GREB1: variants seen among roughly 807,000 people sequenced by gnomAD.
The protein encoded by GREB1 is growth regulating estrogen receptor binding 1, also known as protein GREB1.
GREB1 carries 106 observed loss-of-function variants against 200.7 expected under a neutral mutation model. That is an observed-to-expected ratio of 0.53 (90% CI 0.45 to 0.62). The LOEUF is 0.62. Ranked by LOEUF, GREB1 falls within the 20% of genes least tolerant of loss-of-function variation. GREB1 has a pLI of 0.00. For missense variants in GREB1, 2,243 were observed against 2,556.8 expected (o/e 0.88, Z 2.65); for synonymous variants, 1,132 against 1,092.4 (o/e 1.04, Z -0.72).
At chr2:11,624,444 A>G (rs1335689885) in intron 23 of GREB1, among the ~76,000 whole-genome samples, 1 of 149,720 alleles carries the variant, frequency 6.7e-6, no homozygotes, top group African/African-American at 2.5e-5. Flanking sequence ...TCCTGGGTTC[A>G]AGTCATTCTC....
Position 11,595,417 on chromosome 2 carries a change from A to G in GREB1, c.1825+38A>G, listed in dbSNP as rs200042593. 2.6e-5 allele frequency: 42 copies of G among 1,598,822 alleles called. No homozygotes were observed. The East Asian group carries it at 9.0e-4, about 34-fold the overall frequency. On this transcript the variant is annotated intron_variant, in intron 12 of 32. Transcript: ENST00000381486. ...TGAGACAGGTGCACATGCGTATGTT[A>G]ATAGGACAGTAATCAGTGCCGGGGG...
intron 1 of GREB1, among the ~76,000 whole-genome samples, chr2:11,543,559 A>T (rs927652114): frequency 1.6e-4 from 24 of 152,328 alleles, no homozygotes; most frequent in Non-Finnish European, 2.9e-4. Flanking sequence ...ACCATGAATC[A>T]AGCCCCTGGT....
At chr2:11,519,908 G>A (rs1349034069) in intron 1 of GREB1, among the ~76,000 whole-genome samples, 1 of 152,146 alleles carries the variant, frequency 6.6e-6, no homozygotes, top group African/African-American at 2.4e-5. Flanking sequence ...AGGCTGAACG[G>A]GGGTGGACTG....
intron 10 of GREB1, among the ~76,000 whole-genome samples, chr2:11,590,499 C>T (rs746522986): frequency 6.6e-6 from 1 of 152,206 alleles, no homozygotes; most frequent in African/African-American, 2.4e-5. Context: ...TTCCCTGTGG[C>T]ATGCTCTTGC....
At position 11,610,762 on chromosome 2, in the gene GREB1, TAAGC is replaced by T; in HGVS notation, c.2742_2745del (p.Ser915AlafsTer5). 6.2e-7 allele frequency: 1 copy of T among 1,613,470 alleles called. No individual in the cohort carries two copies. The stretch of plus-strand genomic sequence containing the variant: ...CACTACGCGGCCGCCCTGATGGCCG[TAAGC>T]GGCCTCCCGCAGATGAAGAACTACA... On this transcript the variant is annotated frameshift_variant, in exon 18 of 33. Coordinates refer to ENST00000381486, the MANE Select transcript of GREB1 (RefSeq NM_014668.4). LOFTEE classifies it high-confidence loss of function.
intron 1 of GREB1, among the ~76,000 whole-genome samples, chr2:11,484,127 G>A (rs918711131): frequency 1.3e-5 from 2 of 152,058 alleles, no homozygotes; most frequent in Non-Finnish European, 2.9e-5. Context: ...AGTTTTAAAG[G>A]CCAATTAGAA....
chr2:11,539,054 T>TTCTCC (rs1674535976), intron 1 of GREB1, among the ~76,000 whole-genome samples: 1 of 105,074 alleles, frequency 9.5e-6, no homozygotes, highest in Non-Finnish European at 2.0e-5. Flanking sequence ...TTCTCTTCTC[T>TTCTCC]TCTCTTCTCT....
intron 20 of GREB1, among the ~76,000 whole-genome samples, chr2:11,616,267 A>C (rs1450465289): frequency 6.6e-6 from 1 of 152,038 alleles, no homozygotes; most frequent in Non-Finnish European, 1.5e-5. Context: ...TCCTTTCTCT[A>C]CTTTACCTGC....
At chr2:11,541,939 A>G (rs1674795276) in intron 1 of GREB1, among the ~76,000 whole-genome samples, 1 of 152,126 alleles carries the variant, frequency 6.6e-6, no homozygotes, top group East Asian at 1.9e-4. Flanking sequence ...CCTGTACTCA[A>G]CTTTGATGAC....
At chr2:11,562,940 G>A (rs1558549547) in intron 3 of GREB1, 1 of 171,558 alleles carries the variant, frequency 5.8e-6, no homozygotes, top group Non-Finnish European at 1.2e-5. Context: ...ACAGCATATT[G>A]AACTCACAAG....
intron 1 of GREB1, among the ~76,000 whole-genome samples, chr2:11,551,008 C>G (rs1444152192): frequency 2.0e-5 from 3 of 152,176 alleles, no homozygotes; most frequent in Non-Finnish European, 4.4e-5. Flanking sequence ...CTACCCGAGT[C>G]CTCTAAAGGA....
chr2:11,591,719 A>G lies in GREB1; in HGVS notation c.1346-1057A>G, dbSNP rs1164453613. 4.8e-5 allele frequency: 21 copies of G among 436,514 alleles called. No homozygotes were observed. In the East Asian group the frequency reaches 9.4e-4, roughly 19 times the overall value. 27.0% of individuals were successfully genotyped at this position (436,514 alleles called of 1,614,324 possible). ...TTAGGCGAAGGAAGTAACGTTCTAT[A>G]TGTCAAGATGTGCATTGCAGAGGGA... On this transcript the variant is annotated intron_variant, in intron 10 of 32. Transcript: ENST00000381486.
chr2:11,626,878 C>G (rs1353372756), intron 24 of GREB1, 84 bp from the exon 25 acceptor site: 4 of 1,397,302 alleles, frequency 2.9e-6, no homozygotes, highest in Non-Finnish European at 1.0e-6. Flanking sequence ...GTCATTTGAG[C>G]ATTTTTGGTT....
chr2:11,616,571 C>A, intron 20 of GREB1, 60 bp from the exon 21 acceptor site: 1 of 1,030,644 alleles, frequency 9.7e-7, no homozygotes, highest in Non-Finnish European at 1.5e-6. Flanking sequence ...CTGTGAAGTG[C>A]TGGGCAAATG....
At chr2:11,505,112 A>G (rs1003630938) in intron 1 of GREB1, among the ~76,000 whole-genome samples, 1 of 151,962 alleles carries the variant, frequency 6.6e-6, no homozygotes, top group African/African-American at 2.4e-5. Flanking sequence ...TTGCATTTTT[A>G]GTAGAGACGG....
chr2:11,577,327 C>T (rs1678974836), intron 5 of GREB1, among the ~76,000 whole-genome samples: 1 of 152,194 alleles, frequency 6.6e-6, no homozygotes, highest in Non-Finnish European at 1.5e-5. Context: ...AAAGAAGCCC[C>T]CTGCAAATGT....
In GREB1 at chr2:11,585,093, A is replaced by G. The variant is rs1313758965; in HGVS notation, c.902-68A>G. On this transcript the variant is annotated intron_variant, in intron 7 of 32. Coordinates refer to ENST00000381486, the MANE Select transcript of GREB1 (RefSeq NM_014668.4). ...AACAAAACAGATCATTGTTCTCCAA[A>G]CCAAGGGTAAATTTTATTGGAGCCC... 24 of 811,306 alleles carry G rather than the reference A, an allele frequency of 3.0e-5. No homozygotes were observed. The Middle Eastern group carries it at 7.2e-4, about 24-fold the overall frequency. 50.3% of individuals were successfully genotyped at this position (811,306 alleles called of 1,614,324 possible).
intron 1 of GREB1, among the ~76,000 whole-genome samples, chr2:11,539,662 A>T (rs1486840209): frequency 1.3e-5 from 2 of 152,190 alleles, no homozygotes; most frequent in Non-Finnish European, 2.9e-5. Flanking sequence ...ACAGATTGGT[A>T]TGTACCTGTG....
At chr2:11,592,346 TA>T (rs377354810) in intron 10 of GREB1, among the ~76,000 whole-genome samples, 6,029 of 144,184 alleles carry the variant, frequency 0.042, 411 homozygotes, top group African/African-American at 0.16. Context: ...TTTTTTTTTT[TA>T]AAAAGAGGAC....
Sources: gnomAD v4.1 joint callset for allele counts (sites outside exome capture counted in the v4.1 genomes callset) on GRCh38, gnomAD v4.1.1 for gene constraint, MANE v1.5 for transcripts, NCBI Gene and HGNC (gene_info 2026-07-23, HGNC 2026-07-21) for gene names.